GRID2: variants seen among roughly 807,000 people sequenced by gnomAD.
The protein encoded by GRID2 is glutamate receptor ionotropic, delta-2.
A neutral mutation model predicts 114.8 loss-of-function variants in GRID2; 33 were observed. The observed-to-expected ratio is 0.29, with a 90% CI of 0.22 to 0.38. The LOEUF is 0.38. Ranked by LOEUF, GRID2 falls within the 10% of genes least tolerant of loss-of-function variation. The pLI, the probability that GRID2 is intolerant of heterozygous loss-of-function variation, is 1.00. For synonymous variants in GRID2, 505 were observed against 449.9 expected, an observed-to-expected ratio of 1.12 and a Z score of -1.55; for missense variants, 1,184 against 1,257.7, an observed-to-expected ratio of 0.94 and a Z score of 0.89.
At chr4:92,385,900 G>GTA (rs34904839) in intron 1 of GRID2, among the ~76,000 whole-genome samples, 2,521 of 61,016 alleles carry the variant, frequency 0.041, 16 homozygotes, top group South Asian at 0.047. Flanking sequence ...GTGTGTGTGT[G>GTA]TATATATATA....
intron 11 of GRID2, among the ~76,000 whole-genome samples, chr4:93,478,027 A>G (rs953047734): frequency 6.6e-6 from 1 of 152,080 alleles, no homozygotes; most frequent in African/African-American, 2.4e-5. Context: ...CTTAACATAC[A>G]ACTGTGTCAA....
chr4:92,940,730 G>A lies in GRID2; in HGVS notation c.245-144265G>A, dbSNP rs576787997. Among the ~76,000 whole-genome samples the A allele has an allele frequency of 2.4e-3, 362 of 152,164 alleles. 2 individuals are homozygous for A. The highest frequency in any genetic ancestry group is 8.2e-3 in the African/African-American group (341 of 41,552). Reference sequence around the variant, plus strand: ...TGTCATAGATAGCTCTTATTATTTTGAGATACATCCCATCAATACCTAATT... The same window carrying A: ...TGTCATAGATAGCTCTTATTATTTTAAGATACATCCCATCAATACCTAATT... On this transcript the variant is annotated intron_variant, in intron 2 of 15. Coordinates refer to ENST00000282020, the MANE Select transcript of GRID2 (RefSeq NM_001510.4).
rs1578173382 is a variant in GRID2, at chr4:92,773,871, T to C, written c.244+183585T>C. Among the ~76,000 whole-genome samples the C allele has an allele frequency of 1.3e-5, 2 of 152,186 alleles. 1 individual carries two copies. The highest frequency in any genetic ancestry group is 1.3e-4 in the Admixed American group (2 of 15,268). On this transcript the variant is annotated intron_variant, in intron 2 of 15. Coordinates refer to ENST00000282020, the MANE Select transcript of GRID2 (RefSeq NM_001510.4). ...TGCTGCTAAAGAAATTATCCTGTCA[T>C]ATTTGCACATTTAGTTGTACAAGCA...
chr4:92,460,676 G>T (rs961977814), intron 1 of GRID2, among the ~76,000 whole-genome samples: 5 of 152,020 alleles, frequency 3.3e-5, no homozygotes, highest in African/African-American at 4.8e-5. Context: ...GTAGATTTGT[G>T]ATCTTCCTAT....
intron 13 of GRID2, among the ~76,000 whole-genome samples, chr4:93,527,796 C>T (rs939418568): frequency 7.9e-5 from 12 of 152,050 alleles, no homozygotes; most frequent in East Asian, 1.9e-4. Flanking sequence ...GTGCAACCAT[C>T]GCCACCATCC....
intron 2 of GRID2, among the ~76,000 whole-genome samples, chr4:92,590,838 A>C (rs1560476705): frequency 6.6e-6 from 1 of 152,332 alleles, no homozygotes; most frequent in Non-Finnish European, 1.5e-5. Context: ...AACCTGAGTA[A>C]ATTAAATTTT....
At chr4:93,783,301 G>A (rs1734519364) in intron 1 of GRID2, among the ~76,000 whole-genome samples, 1 of 152,206 alleles carries the variant, frequency 6.6e-6, no homozygotes, top group Non-Finnish European at 1.5e-5. Context: ...GTAAAACTCT[G>A]GAAAGTTAAG....
intron 13 of GRID2, among the ~76,000 whole-genome samples, chr4:93,560,901 AATAAATATTTTTATTTAATATTTATTTG>A (rs935297223): frequency 4.7e-5 from 7 of 149,012 alleles, no homozygotes; most frequent in Admixed American, 2.7e-4. Flanking sequence ...GTATTTTAGC[AATAAATATTTTTATTTAATATTTATTTG>A]ATAAATATTT....
At chr4:93,258,011 C>T (rs1198810616) in intron 8 of GRID2, among the ~76,000 whole-genome samples, 2 of 147,162 alleles carry the variant, frequency 1.4e-5, no homozygotes, top group African/African-American at 2.6e-5. Context: ...CACACACACA[C>T]ACACACACAC....
chr4:93,384,289 G>T (rs1001586901), intron 8 of GRID2, among the ~76,000 whole-genome samples: 11 of 152,080 alleles, frequency 7.2e-5, no homozygotes, highest in African/African-American at 2.7e-4. Context: ...TTAGGGAAGT[G>T]GACTCCATCT....
intron 2 of GRID2, among the ~76,000 whole-genome samples, chr4:92,972,083 A>G (rs1260552968): frequency 2.6e-5 from 4 of 152,000 alleles, no homozygotes; most frequent in African/African-American, 7.2e-5. Flanking sequence ...ACTGTAGGAT[A>G]GTCCTACTTT....
chr4:93,632,060 G>A (rs1014793220), intron 14 of GRID2, among the ~76,000 whole-genome samples: 3 of 152,100 alleles, frequency 2.0e-5, no homozygotes, highest in African/African-American at 4.8e-5. Flanking sequence ...TTTTGATGAG[G>A]TTGTTTGTTT....
At chr4:93,725,133 CT>C (rs969290709) in intron 14 of GRID2, among the ~76,000 whole-genome samples, 3 of 152,076 alleles carry the variant, frequency 2.0e-5, no homozygotes, top group Admixed American at 6.6e-5. Context: ...TCACTCACCC[CT>C]CCCCCCACCA....
At chr4:93,777,264 C>G (rs934730744), downstream of GRID2, among the ~76,000 whole-genome samples, 5 of 152,244 alleles carry the variant, frequency 3.3e-5, no homozygotes, top group African/African-American at 1.2e-4. Flanking sequence ...GGAACTTGCT[C>G]TCATTTCTTC....
chr4:92,729,886 C>A (rs1418017086), intron 2 of GRID2, among the ~76,000 whole-genome samples: 2 of 151,738 alleles, frequency 1.3e-5, no homozygotes, highest in Non-Finnish European at 2.9e-5. Context: ...TGTACTAAAA[C>A]CTCAAAATTG....
chr4:93,356,249 T>A (rs1761326431), intron 8 of GRID2, among the ~76,000 whole-genome samples: 1 of 152,098 alleles, frequency 6.6e-6, no homozygotes, highest in Non-Finnish European at 1.5e-5. Context: ...CCTCTGCCAT[T>A]GTTATCAAGT....
chr4:92,784,320 G>A (rs1739220455), intron 2 of GRID2, among the ~76,000 whole-genome samples: 1 of 151,818 alleles, frequency 6.6e-6, no homozygotes, highest in Non-Finnish European at 1.5e-5. Flanking sequence ...ACAAAGACTG[G>A]AGCTTTTGAA....
chr4:92,933,597 A>G (rs1750407479), intron 2 of GRID2, among the ~76,000 whole-genome samples: 1 of 151,462 alleles, frequency 6.6e-6, no homozygotes, highest in African/African-American at 2.4e-5. Context: ...TTGAGGCTGA[A>G]TGACTGCAAT....
At chr4:92,885,715 A>C (rs970008825) in intron 2 of GRID2, among the ~76,000 whole-genome samples, 4 of 152,236 alleles carry the variant, frequency 2.6e-5, no homozygotes, top group Non-Finnish European at 5.9e-5. Context: ...ACTTCTGATC[A>C]GAATGAAGTT....
Sources: allele counts gnomAD v4.1 joint callset (sites outside exome capture counted in the v4.1 genomes callset), GRCh38; gene constraint gnomAD v4.1.1; transcripts MANE v1.5; gene names NCBI Gene and HGNC (gene_info 2026-07-23, HGNC 2026-07-21).